Variants in TBC1D10B observed in about 807,000 individuals in gnomAD.
TBC1D10B encodes the protein TBC1 domain family member 10B.
A neutral mutation model predicts 78.4 loss-of-function variants in TBC1D10B; 25 were observed. That is an observed-to-expected ratio of 0.32 (90% CI 0.23 to 0.45). TBC1D10B has a LOEUF of 0.45. Among genes scored for constraint, TBC1D10B ranks in the 20% least tolerant of loss-of-function variants. TBC1D10B has a pLI of 1.00. For missense variants in TBC1D10B, 996 were observed against 1,104.8 expected (o/e 0.90, Z 1.40); for synonymous variants, 517 against 478.0 (o/e 1.08, Z -1.06).
chr16:30,359,057 G>A (rs1354668017), intron 7 of TBC1D10B, 115 bp downstream of exon 7: 22 of 1,374,138 alleles, frequency 1.6e-5, no homozygotes, highest in Non-Finnish European at 2.1e-5. Context: ...TGCTTATGGT[G>A]AAACCTCCAC....
intron 6 of TBC1D10B, 51 bp downstream of exon 6, chr16:30,359,487 G>A: frequency 6.4e-7 from 1 of 1,551,804 alleles, no homozygotes; most frequent in South Asian, 1.2e-5. Context: ...CCTGCCTGCA[G>A]CCTGGAGGAA....
In TBC1D10B at chr16:30,369,930, G is replaced by A. The variant is rs2049672743; in HGVS notation, c.254C>T (p.Thr85Met). 5.3e-6 allele frequency: 7 copies of A among 1,309,042 alleles called. No homozygotes were observed. The highest frequency in any genetic ancestry group is 4.6e-5 in the African/African-American group (3 of 64,912). The allele number at this position is 1,309,042 out of a possible 1,614,324, so 81.1% of individuals were successfully genotyped here. A position where few individuals can be genotyped will look rare whatever the true frequency, so the allele number is the denominator to read the frequency against. Reference sequence around the variant, plus strand: ...GGTCAGCACCACCACCGTGCTGCCCGTGACAGCCGGGGCTGGGGCCGGGGC... The same window carrying A: ...GGTCAGCACCACCACCGTGCTGCCCATGACAGCCGGGGCTGGGGCCGGGGC... ...APAPAPAPAV[T>M]GSTVVVLTLE... The change falls in exon 1 of 9, where the codon ACG becomes ATG. Residue 85 changes from threonine to methionine, a missense_variant. Coordinates refer to ENST00000409939, the MANE Select transcript of TBC1D10B (RefSeq NM_015527.4). This position sits in a 1 kb window ranked among gnomAD's most constrained non-coding sequence, Gnocchi z 4.3.
At chr16:30,360,250 G>C (rs2049590780) in intron 4 of TBC1D10B, 1 of 174,112 alleles carries the variant, frequency 5.7e-6, no homozygotes, top group Non-Finnish European at 1.2e-5. Context: ...ATGGTTCTTG[G>C]GGAAGGCTTG....
intron 4 of TBC1D10B, among the ~76,000 whole-genome samples, chr16:30,361,780 C>T (rs1041825531): frequency 5.9e-5 from 9 of 151,714 alleles, no homozygotes; most frequent in Non-Finnish European, 1.0e-4. Context: ...GGCGTGATCT[C>T]GGCTCACTGA....
At position 30,369,412 on chromosome 16, in the gene TBC1D10B, C is replaced by A; in HGVS notation, c.772G>T (p.Gly258Trp). 1.9e-6 allele frequency: 3 copies of A among 1,575,288 alleles called. No homozygotes were observed. Among genetic ancestry groups the A allele is most frequent in the Non-Finnish European group, 2.6e-6 (3 of 1,160,636 alleles). Reference protein sequence around the residue: ...STSSLGPGISGPRGQAPDTLS... With the variant: ...STSSLGPGISWPRGQAPDTLS... ...GTGTCCGGGGCCTGCCCTCGAGGCC[C>A]AGAGATGCCAGGTCCCAGGCTGGAC... Residue 258 changes from glycine (G) to tryptophan (W), a missense_variant, in exon 1 of 9, where the codon GGG (glycine) becomes TGG (tryptophan). By Grantham distance (184) the Gly-to-Trp change is radical. This residue lies in a region of TBC1D10B where 448 missense variants were observed against 442.1 expected (regional missense o/e 1.01). Coordinates refer to ENST00000409939, the MANE Select transcript of TBC1D10B (RefSeq NM_015527.4). The surrounding 1 kb of genome is among the most constrained non-coding windows in gnomAD (Gnocchi z 4.3).
In TBC1D10B at chr16:30,365,389, C is replaced by T. The variant is rs2049628735; in HGVS notation, c.1056+106G>A. The T allele has an allele frequency of 2.1e-6, 3 of 1,395,514 alleles. No homozygotes were observed. Among genetic ancestry groups the T allele is most frequent in the Non-Finnish European group, 3.0e-6 (3 of 984,002 alleles). 86.4% of individuals were successfully genotyped at this position (1,395,514 alleles called of 1,614,324 possible). On this transcript the variant is annotated intron_variant, in intron 2 of 8. Coordinates refer to ENST00000409939, the MANE Select transcript of TBC1D10B (RefSeq NM_015527.4). This position sits in a 1 kb window ranked among gnomAD's most constrained non-coding sequence, Gnocchi z 5.0. ...TCCCCCGCCAGGGCCCATCTATCCCCAGTGTGGTCCAGAGGGCAGATATTA... is the reference window on the plus strand; with the variant it reads ...TCCCCCGCCAGGGCCCATCTATCCCTAGTGTGGTCCAGAGGGCAGATATTA...
chr16:30,369,142 C>A lies in TBC1D10B; in HGVS notation c.956+86G>T, dbSNP rs2049661956. The A allele has an allele frequency of 2.2e-6, 3 of 1,373,866 alleles. No individual in the cohort carries two copies. The East Asian group carries it at 7.5e-5, about 35-fold the overall frequency. 85.1% of individuals were successfully genotyped at this position (1,373,866 alleles called of 1,614,324 possible). On this transcript the variant is annotated intron_variant, in intron 1 of 8. Transcript: ENST00000409939. The surrounding 1 kb of genome is among the most constrained non-coding windows in gnomAD (Gnocchi z 4.3). The stretch of plus-strand genomic sequence containing the variant: ...TCAGAGGAGGCTGGGCTGCCAGAGT[C>A]TGGGCAAAGTGTATCGTTTTCGTTT...
chr16:30,365,605 G>A lies in TBC1D10B; in HGVS notation c.957-11C>T, dbSNP rs201761428. 4.2e-5 allele frequency: 67 copies of A among 1,612,978 alleles called. No homozygotes were observed. The Admixed American group carries it at 6.0e-4, about 14-fold the overall frequency. On this transcript the variant is annotated splice_polypyrimidine_tract_variant and intron_variant, in intron 1 of 8. Coordinates refer to ENST00000409939, the MANE Select transcript of TBC1D10B (RefSeq NM_015527.4). The surrounding 1 kb of genome is among the most constrained non-coding windows in gnomAD (Gnocchi z 5.0). ...GGAATGGAGCTCTCTCTGCAGGGTC[G>A]GGGGAGCACGGAAGGGGTCAGTAGC...
At position 30,369,755 on chromosome 16, in the gene TBC1D10B, G is replaced by A; in HGVS notation, c.429C>T (p.Ala143=). 6.9e-7 allele frequency: 1 copy of A among 1,456,904 alleles called. No homozygotes were observed. 90.2% of individuals were successfully genotyped at this position (1,456,904 alleles called of 1,614,324 possible). Residue 143 remains alanine, a synonymous_variant, in exon 1 of 9, where the codon GCC becomes GCT. Coordinates refer to ENST00000409939, the MANE Select transcript of TBC1D10B (RefSeq NM_015527.4). This position sits in a 1 kb window ranked among gnomAD's most constrained non-coding sequence, Gnocchi z 4.3. The stretch of plus-strand genomic sequence containing the variant: ...TCCCGGTGGGGGTCCCTGGTCCTGG[G>A]GCGGGTGAGGGTCGAGCCTCCTCTG... The part of the protein sequence containing the change: ...PKTEEARPSP[A]PGPGTPTGTP...
intron 7 of TBC1D10B, 134 bp downstream of exon 7, chr16:30,359,038 G>T: frequency 7.8e-7 from 1 of 1,286,948 alleles, no homozygotes. Context: ...TGTTTCTCCA[G>T]CCCCCAGCTG....
chr16:30,358,083 T>G lies in TBC1D10B; in HGVS notation c.2288A>C (p.Gln763Pro). Residue 763 changes from glutamine to proline, a missense_variant, in exon 9 of 9, where the codon CAG becomes CCG. By Grantham distance (76) the Gln-to-Pro change is moderately conservative. Around this residue, in one of 5 missense-constraint regions of TBC1D10B, gnomAD observed 285 missense variants for 252.5 expected, o/e 1.13. Coordinates refer to ENST00000409939, the MANE Select transcript of TBC1D10B (RefSeq NM_015527.4). Reference protein sequence around the residue: ...REKQEKEREKQEKERQKQEKK... With the variant: ...REKQEKEREKPEKERQKQEKK... ...CTCCTGCTTCTGCCGCTCCTTCTCC[T>G]GCTTCTCTCGCTCCTTTTCCTGCTT... 1 of 1,550,338 alleles carries G rather than the reference T, an allele frequency of 6.5e-7. No homozygotes were observed. The highest frequency in any genetic ancestry group is 8.7e-7 in the Non-Finnish European group (1 of 1,145,616).
At position 30,369,381 on chromosome 16, in the gene TBC1D10B, C is replaced by T. The variant is rs1213845402; in HGVS notation, c.803G>A (p.Ser268Asn). ...GPRGQAPDTL[S>N]YLDSVSLMSG... ...CATGAGGCTCACGGAGTCCAAGTAACTCAGCGTGTCCGGGGCCTGCCCTCG... is the reference window on the plus strand; with the variant it reads ...CATGAGGCTCACGGAGTCCAAGTAATTCAGCGTGTCCGGGGCCTGCCCTCG... The change falls in exon 1 of 9, where the codon AGT becomes AAT. Residue 268 changes from serine (S) to asparagine (N), a missense_variant. Physicochemically the swap from Ser to Asn is conservative, Grantham distance 46. This residue lies in a region of TBC1D10B where 448 missense variants were observed against 442.1 expected (regional missense o/e 1.01). Coordinates refer to ENST00000409939, the MANE Select transcript of TBC1D10B (RefSeq NM_015527.4). The surrounding 1 kb of genome is among the most constrained non-coding windows in gnomAD (Gnocchi z 4.3). 9 of 1,592,508 alleles carry T rather than the reference C, an allele frequency of 5.7e-6. No homozygotes were observed. Among genetic ancestry groups the T allele is most frequent in the Non-Finnish European group, 8.5e-7 (1 of 1,169,752 alleles).
rs1046908320 is a variant in TBC1D10B at position 30,359,721 on chromosome 16, G to A, written c.1386+6C>T. 1.3e-6 allele frequency: 2 copies of A among 1,570,934 alleles called. No homozygotes were observed. Among genetic ancestry groups the A allele is most frequent in the Non-Finnish European group, 1.7e-6 (2 of 1,158,054 alleles). ...GCCCCTCCCGGCCCAGGACCAGGGC[G>A]CTGACCTCCGCAGGCATGTGCATGA... On this transcript the variant is annotated splice_donor_region_variant and intron_variant, in intron 5 of 8. Transcript: ENST00000409939.
At chr16:30,364,787 A>G (rs1335644470) in intron 4 of TBC1D10B, 113 bp downstream of exon 4, 7 of 882,624 alleles carry the variant, frequency 7.9e-6, no homozygotes, top group Admixed American at 2.3e-5. Flanking sequence ...TAGCTCTTCT[A>G]CAAGTCCTGA....
chr16:30,358,233 G>C lies in TBC1D10B; in HGVS notation c.2138C>G (p.Thr713Ser). 6.4e-7 allele frequency: 1 copy of C among 1,557,118 alleles called. No individual in the cohort carries two copies. ...GGTCTCCTTGCTGGAACCCAAGGGG[G>C]TGCTATTGCCAGTGGGTGAGGGAAG... ...PSLPSPTGNS[T>S]PLGSSKETRK... is the part of the protein sequence containing the mutation. The change falls in exon 9 of 9, where the codon ACC becomes AGC. Residue 713 changes from threonine to serine, a missense_variant. By Grantham distance (58) the Thr-to-Ser change is moderately conservative. Around this residue, in one of 5 missense-constraint regions of TBC1D10B, gnomAD observed 285 missense variants for 252.5 expected, o/e 1.13. Coordinates refer to ENST00000409939, the MANE Select transcript of TBC1D10B (RefSeq NM_015527.4).
In TBC1D10B at chr16:30,365,682, A is replaced by G; in HGVS notation, c.957-88T>C. ...GGAACTGAGGCAAGCCACCTCCCCAAGCTCAAACGAGAAACTGGATAGTCT... is the reference window on the plus strand; with the variant it reads ...GGAACTGAGGCAAGCCACCTCCCCAGGCTCAAACGAGAAACTGGATAGTCT... On this transcript the variant is annotated intron_variant, in intron 1 of 8. Coordinates refer to ENST00000409939, the MANE Select transcript of TBC1D10B (RefSeq NM_015527.4). This position sits in a 1 kb window ranked among gnomAD's most constrained non-coding sequence, Gnocchi z 5.0. 8.1e-7 allele frequency: 1 copy of G among 1,231,882 alleles called. No individual in the cohort carries two copies. The highest frequency in any genetic ancestry group is 1.2e-5 in the South Asian group (1 of 82,574). The allele number at this position is 1,231,882 out of a possible 1,614,324, so 76.3% of individuals were successfully genotyped here. A position where few individuals can be genotyped will look rare whatever the true frequency, so the allele number is the denominator to read the frequency against.
At position 30,365,672 on chromosome 16, in the gene TBC1D10B, C is replaced by T; in HGVS notation, c.957-78G>A. ...CATTGCAGGGGGAACTGAGGCAAGC[C>T]ACCTCCCCAAGCTCAAACGAGAAAC... On this transcript the variant is annotated intron_variant, in intron 1 of 8. Transcript: ENST00000409939. This position sits in a 1 kb window ranked among gnomAD's most constrained non-coding sequence, Gnocchi z 5.0. 7.4e-7 allele frequency: 1 copy of T among 1,351,596 alleles called. No individual in the cohort carries two copies. The allele number at this position is 1,351,596 out of a possible 1,614,324, so 83.7% of individuals were successfully genotyped here.
intron 4 of TBC1D10B, among the ~76,000 whole-genome samples, chr16:30,361,153 C>T (rs895855962): frequency 2.6e-5 from 4 of 152,006 alleles, no homozygotes; most frequent in Non-Finnish European, 5.9e-5. Context: ...GGTGTGGTGG[C>T]GGGCACCTGT....
chr16:30,358,214 C>G lies in TBC1D10B; in HGVS notation c.2157G>C (p.Lys719Asn), dbSNP rs752866030. 1.3e-6 allele frequency: 2 copies of G among 1,553,560 alleles called. No homozygotes were observed. Among genetic ancestry groups the G allele is most frequent in the African/African-American group, 2.7e-5 (2 of 73,152 alleles). Residue 719 changes from lysine to asparagine, a missense_variant, in exon 9 of 9, where the codon AAG becomes AAC. Physicochemically the swap from Lys to Asn is moderately conservative, Grantham distance 94. Around this residue, in one of 5 missense-constraint regions of TBC1D10B, gnomAD observed 285 missense variants for 252.5 expected, o/e 1.13. Coordinates refer to ENST00000409939, the MANE Select transcript of TBC1D10B (RefSeq NM_015527.4). Reference sequence around the variant, plus strand: ...GCTCCTTCTCCTGCTTCCGGGTCTCCTTGCTGGAACCCAAGGGGGTGCTAT... The same window carrying G: ...GCTCCTTCTCCTGCTTCCGGGTCTCGTTGCTGGAACCCAAGGGGGTGCTAT... The part of the protein sequence containing the change: ...TGNSTPLGSS[K>N]ETRKQEKERQ...
Sources: gnomAD v4.1 joint callset for allele counts (sites outside exome capture counted in the v4.1 genomes callset) on GRCh38, gnomAD v4.1.1 for gene constraint, gnomAD v4.1.1 regional missense constraint, Gnocchi (gnomAD v3.1) non-coding constraint, MANE v1.5 for transcripts, NCBI Gene and HGNC (gene_info 2026-07-23, HGNC 2026-07-21) for gene names.